The following SCFD2 variants were observed in gnomAD, a reference collection of about 807,000 sequenced individuals.
The protein encoded by SCFD2 is sec1 family domain-containing protein 2.
SCFD2 carries 54 observed loss-of-function variants against 58.9 expected under a neutral mutation model. The ratio of observed to expected loss-of-function variants is 0.92; its 90% CI spans 0.74 to 1.15. SCFD2 has a LOEUF of 1.15. Ranked by LOEUF, SCFD2 falls within the 50% of genes most tolerant of loss-of-function variation. The pLI, the probability that SCFD2 is intolerant of heterozygous loss-of-function variation, is 0.00. For synonymous variants in SCFD2, 321 were observed against 335.9 expected (o/e 0.96, Z 0.49); for missense variants, 805 against 836.6 (o/e 0.96, Z 0.47).
At chr4:53,343,655 G>C (rs1281073806) in intron 2 of SCFD2, among the ~76,000 whole-genome samples, 2 of 152,070 alleles carry the variant, frequency 1.3e-5, no homozygotes, top group African/African-American at 2.4e-5. Flanking sequence ...AACCAAAAAA[G>C]AGAATTTTAG....
At chr4:53,170,885 G>A (rs1213497518) in intron 4 of SCFD2, among the ~76,000 whole-genome samples, 1 of 152,098 alleles carries the variant, frequency 6.6e-6, no homozygotes, top group African/African-American at 2.4e-5. Flanking sequence ...TTTGTAACCT[G>A]CAACTTTACT....
At chr4:52,987,306 G>A (rs1036823856) in intron 5 of SCFD2, among the ~76,000 whole-genome samples, 4 of 152,182 alleles carry the variant, frequency 2.6e-5, no homozygotes, top group Non-Finnish European at 2.9e-5. Flanking sequence ...TTGAGCCACC[G>A]CACCCGGCCT....
intron 1 of SCFD2, among the ~76,000 whole-genome samples, chr4:53,357,615 C>T (rs1734438468): frequency 6.6e-6 from 1 of 152,060 alleles, no homozygotes; most frequent in African/African-American, 2.4e-5. Context: ...ATCTAGTCAG[C>T]CTTTATATGG....
At chr4:52,912,702 G>T (rs898089604) in intron 6 of SCFD2, among the ~76,000 whole-genome samples, 1 of 152,178 alleles carries the variant, frequency 6.6e-6, no homozygotes, top group Non-Finnish European at 1.5e-5. Context: ...CTGTCTCTCA[G>T]CCTCTTAGTT....
chr4:53,295,046 G>T (rs1245682666), intron 3 of SCFD2, among the ~76,000 whole-genome samples: 1 of 152,186 alleles, frequency 6.6e-6, no homozygotes, highest in Non-Finnish European at 1.5e-5. Flanking sequence ...CTATAGCCCT[G>T]TAGTATAGTT....
At chr4:52,995,090 A>T (rs1442850244) in intron 5 of SCFD2, among the ~76,000 whole-genome samples, 1 of 152,156 alleles carries the variant, frequency 6.6e-6, no homozygotes, top group Non-Finnish European at 1.5e-5. Context: ...TGTGTACTTT[A>T]TTTCTATTAT....
chr4:52,972,847 C>G (rs1162932129), intron 5 of SCFD2, among the ~76,000 whole-genome samples: 1 of 152,174 alleles, frequency 6.6e-6, no homozygotes, highest in Non-Finnish European at 1.5e-5. Flanking sequence ...CAAACTAGAA[C>G]TCAGGATTAA....
chr4:53,245,297 T>A (rs1026325736), intron 4 of SCFD2, among the ~76,000 whole-genome samples: 2 of 151,746 alleles, frequency 1.3e-5, no homozygotes, highest in African/African-American at 4.8e-5. Flanking sequence ...GGTGGAGACA[T>A]CAAAAAAAGG....
At chr4:53,358,210 G>A (rs1405365445) in intron 1 of SCFD2, among the ~76,000 whole-genome samples, 1 of 151,980 alleles carries the variant, frequency 6.6e-6, no homozygotes, top group African/African-American at 2.4e-5. Context: ...ACCATCCACT[G>A]GAATGAGAGT....
chr4:52,880,282 A>G (rs1718575550), intron 8 of SCFD2, among the ~76,000 whole-genome samples: 1 of 151,312 alleles, frequency 6.6e-6, no homozygotes, highest in African/African-American at 2.4e-5. Context: ...GTTGTGTGCA[A>G]AACTATTTTT....
At chr4:52,994,785 A>G (rs1273753388) in intron 5 of SCFD2, among the ~76,000 whole-genome samples, 6 of 152,256 alleles carry the variant, frequency 3.9e-5, no homozygotes, top group Non-Finnish European at 1.5e-5. Flanking sequence ...CATTAACAAC[A>G]GGAAAAAAAT....
chr4:52,951,920 T>C (rs1720603138), intron 5 of SCFD2, among the ~76,000 whole-genome samples: 1 of 152,156 alleles, frequency 6.6e-6, no homozygotes, highest in South Asian at 2.1e-4. Context: ...TTAATGGCGA[T>C]GGAGGATTAA....
At chr4:53,348,817 T>C (rs974475146) in intron 2 of SCFD2, among the ~76,000 whole-genome samples, 6 of 151,696 alleles carry the variant, frequency 4.0e-5, no homozygotes, top group Non-Finnish European at 8.8e-5. Flanking sequence ...CAGATTCAAG[T>C]GATTCTTCTG....
chr4:53,003,906 A>G (rs1005458356), intron 5 of SCFD2, among the ~76,000 whole-genome samples: 5 of 152,236 alleles, frequency 3.3e-5, no homozygotes, highest in African/African-American at 1.2e-4. Context: ...GGGCACAATA[A>G]CAGTTTTCAA....
Position 53,291,593 on chromosome 4 carries a change from C to G in SCFD2, c.1136-17592G>C, listed in dbSNP as rs143413270. Among the ~76,000 whole-genome samples the G allele has an allele frequency of 2.0e-5, 3 of 151,598 alleles. No homozygotes were observed. The East Asian group carries it at 5.8e-4, about 29-fold the overall frequency. ...CAATGTTATCCCCATTAAACTACGA[C>G]TGATATTCTTCACAGAATTAGAAAA... On this transcript the variant is annotated intron_variant, in intron 3 of 8. Transcript: ENST00000401642.
chr4:52,924,643 T>A (rs749573862), intron 5 of SCFD2, among the ~76,000 whole-genome samples: 2 of 152,152 alleles, frequency 1.3e-5, no homozygotes, highest in Admixed American at 6.5e-5. Flanking sequence ...TTATCAGTCT[T>A]TAAGCATTTT....
At chr4:53,020,982 T>C (rs1722335714) in intron 5 of SCFD2, among the ~76,000 whole-genome samples, 1 of 152,190 alleles carries the variant, frequency 6.6e-6, no homozygotes, top group South Asian at 2.1e-4. Flanking sequence ...GGCCACCTCA[T>C]CATGTAACCC....
intron 5 of SCFD2, among the ~76,000 whole-genome samples, chr4:52,934,560 C>A (rs1560485658): frequency 6.6e-6 from 1 of 152,160 alleles, no homozygotes; most frequent in Non-Finnish European, 1.5e-5. Flanking sequence ...CCAATTTAGG[C>A]AGGAAGCCTC....
At chr4:53,358,484 TG>T (rs1205130896) in intron 1 of SCFD2, among the ~76,000 whole-genome samples, 1 of 148,004 alleles carries the variant, frequency 6.8e-6, no homozygotes, top group Non-Finnish European at 1.5e-5. Context: ...ACCTGGAAGG[TG>T]AAGGTTGCAG....
Sources: allele counts gnomAD v4.1 joint callset (sites outside exome capture counted in the v4.1 genomes callset), GRCh38; gene constraint gnomAD v4.1.1; transcripts MANE v1.5; gene names NCBI Gene and HGNC (gene_info 2026-07-23, HGNC 2026-07-21).